ZDHHC13: variants seen among roughly 807,000 people sequenced by gnomAD.
ZDHHC13 encodes the protein zDHHC palmitoyltransferase 13, also known as palmitoyltransferase ZDHHC13.
Under a neutral mutation model 86.0 loss-of-function variants are expected in ZDHHC13, and 85 were observed. The observed-to-expected ratio is 0.99, with a 90% CI of 0.83 to 1.18. The LOEUF (loss-of-function observed/expected upper bound fraction) is 1.18, where lower values mean the gene tolerates loss of function less well. ZDHHC13 is among the 50% of genes most tolerant of loss of function. The pLI is 0.00. For synonymous variants in ZDHHC13, 263 were observed against 246.4 expected, an observed-to-expected ratio of 1.07 and a Z score of -0.63; for missense variants, 711 against 730.2, an observed-to-expected ratio of 0.97 and a Z score of 0.30.
chr11:19,171,155 A>G (rs1226380108), intron 15 of ZDHHC13, among the ~76,000 whole-genome samples: 1 of 152,190 alleles, frequency 6.6e-6, no homozygotes, highest in Non-Finnish European at 1.5e-5. Flanking sequence ...TAGTAATTAC[A>G]TTTTCAGAGA....
rs112896980 is a variant in ZDHHC13 at position 19,152,681 on chromosome 11, C to T, written c.870C>T (p.Cys290=). 5,400 of 1,612,830 alleles carry T rather than the reference C, an allele frequency of 3.3e-3. 17 individuals are homozygous for T. Among genetic ancestry groups the T allele is most frequent in the Middle Eastern group, 8.9e-3 (54 of 6,048 alleles). The change falls in exon 8 of 17, where the codon TGC becomes TGT. Residue 290 remains cysteine, a synonymous_variant. Coordinates refer to ENST00000446113, the MANE Select transcript of ZDHHC13 (RefSeq NM_019028.3). ...KFRLWRWLQK[C]ELFLLLMLSV... is the part of the protein sequence containing the mutation. The stretch of plus-strand genomic sequence containing the variant: ...GACTTTGGAGGTGGCTGCAGAAATG[C>T]GAGGTATTTTCATATGGGGTCTTTT...
At chr11:19,175,216 G>A (rs138290177) in intron 16 of ZDHHC13, among the ~76,000 whole-genome samples, 6,969 of 151,188 alleles carry the variant, frequency 0.046, 226 homozygotes, top group Middle Eastern at 0.068. Flanking sequence ...GTGAAACCCC[G>A]TCTCTACTAA....
At chr11:19,134,464 C>T (rs1168243285) in intron 1 of ZDHHC13, among the ~76,000 whole-genome samples, 1 of 152,152 alleles carries the variant, frequency 6.6e-6, no homozygotes, top group Non-Finnish European at 1.5e-5. Flanking sequence ...ACTCAAATGC[C>T]CATCAATGAC....
At chr11:19,168,563 T>G (rs1423753235) in intron 14 of ZDHHC13, 1 of 152,980 alleles carries the variant, frequency 6.5e-6, no homozygotes, top group Admixed American at 6.5e-5. Flanking sequence ...ATAAACTAGC[T>G]GAGTGTATTT....
intron 1 of ZDHHC13, among the ~76,000 whole-genome samples, chr11:19,119,515 A>T (rs543853861): frequency 6.6e-6 from 1 of 152,276 alleles, no homozygotes; most frequent in Non-Finnish European, 1.5e-5. Context: ...CACTTGGCTT[A>T]TTCCCCCACC....
At chr11:19,173,016 G>A (rs187677957) in intron 16 of ZDHHC13, among the ~76,000 whole-genome samples, 196 bp downstream of exon 16, 247 of 152,286 alleles carry the variant, frequency 1.6e-3, no homozygotes, top group African/African-American at 5.6e-3. Flanking sequence ...GTAAGAATTC[G>A]AGAGTTAGTT....
chr11:19,120,387 C>G (rs112480874), intron 1 of ZDHHC13, among the ~76,000 whole-genome samples: 2,263 of 152,330 alleles, frequency 0.015, 67 homozygotes, highest in African/African-American at 0.051. Context: ...GACACCTACA[C>G]GTGACCTGGG....
At chr11:19,128,469 G>A (rs1848922924) in intron 1 of ZDHHC13, among the ~76,000 whole-genome samples, 1 of 152,144 alleles carries the variant, frequency 6.6e-6, no homozygotes, top group Non-Finnish European at 1.5e-5. Context: ...GTTCTGGACA[G>A]TACTGCCAAT....
intron 8 of ZDHHC13, among the ~76,000 whole-genome samples, chr11:19,155,512 C>A (rs1274105747): frequency 7.1e-6 from 1 of 140,796 alleles, no homozygotes; most frequent in Non-Finnish European, 1.5e-5. Flanking sequence ...ACCCAGGAGA[C>A]AGAGGTTGCA....
chr11:19,126,005 G>A (rs563845547), intron 1 of ZDHHC13, among the ~76,000 whole-genome samples: 1 of 152,132 alleles, frequency 6.6e-6, no homozygotes, highest in Non-Finnish European at 1.5e-5. Context: ...AATTCATACA[G>A]CTGTATACCA....
Position 19,176,172 on chromosome 11 carries a change from TA to T in ZDHHC13, c.*222del, listed in dbSNP as rs375550311. 7.5e-3 allele frequency: 2,630 copies of T among 351,016 alleles called. 8 individuals carry two copies. The highest frequency in any genetic ancestry group is 0.022 in the African/African-American group (1,013 of 46,114). The allele number at this position is 351,016 out of a possible 1,614,324, so 21.7% of individuals were successfully genotyped here. A position where few individuals can be genotyped will look rare whatever the true frequency, so the allele number is the denominator to read the frequency against. ...TTTCTGATAAATCTTGGCAGACATC[TA>T]AAAAAAAAACCATATTTTTCACAAG... is the stretch of plus-strand genomic sequence containing the variant. On this transcript the variant is annotated 3_prime_UTR_variant, in exon 17 of 17. Transcript: ENST00000446113.
At chr11:19,174,625 T>A (rs542113248) in intron 16 of ZDHHC13, among the ~76,000 whole-genome samples, 1 of 152,380 alleles carries the variant, frequency 6.6e-6, no homozygotes, top group Admixed American at 6.5e-5. Flanking sequence ...AAATGAGCAT[T>A]TCTCATAACT....
At chr11:19,171,925 G>GTGTC (rs1165173489) in intron 15 of ZDHHC13, among the ~76,000 whole-genome samples, 1 of 152,152 alleles carries the variant, frequency 6.6e-6, no homozygotes, top group East Asian at 1.9e-4. Flanking sequence ...GTCAAGATGA[G>GTGTC]TGTCTAGGTT....
At chr11:19,136,299 G>A (rs1401415482) in intron 1 of ZDHHC13, among the ~76,000 whole-genome samples, 2 of 152,060 alleles carry the variant, frequency 1.3e-5, no homozygotes, top group East Asian at 1.9e-4. Flanking sequence ...GAGCCGATGC[G>A]ATCAACTGGA....
intron 16 of ZDHHC13, among the ~76,000 whole-genome samples, chr11:19,173,279 G>C (rs1850274072): frequency 6.6e-6 from 1 of 152,158 alleles, no homozygotes. Context: ...GTGCCCTCTT[G>C]TACCAGGGAG....
chr11:19,133,942 T>TATATACAC lies in ZDHHC13; in HGVS notation c.28-9035_28-9034insTATACACA. 5.7e-4 allele frequency among the ~76,000 whole-genome samples: 55 copies of TATATACAC among 95,990 alleles called. 4 individuals are homozygous for TATATACAC. Among genetic ancestry groups the TATATACAC allele is most frequent in the East Asian group, 1.9e-3 (8 of 4,136 alleles). The allele number at this position is 95,990 out of a possible 152,430, so 63.0% of individuals were successfully genotyped here. A position where few individuals can be genotyped will look rare whatever the true frequency, so the allele number is the denominator to read the frequency against. On this transcript the variant is annotated intron_variant, in intron 1 of 16. Transcript: ENST00000446113. ...GTCCATATATATATATATATATATATACACGTATGTGTTTTATATACTTCA... is the reference window on the plus strand; with the variant it reads ...GTCCATATATATATATATATATATATATATACACACACGTATGTGTTTTATATACTTCA...
chr11:19,130,454 A>C (rs934950207), intron 1 of ZDHHC13, among the ~76,000 whole-genome samples: 2 of 152,154 alleles, frequency 1.3e-5, no homozygotes, highest in African/African-American at 4.8e-5. Flanking sequence ...TTCTTGATCA[A>C]ACTGATCAAA....
chr11:19,152,745 T>C, intron 8 of ZDHHC13, 61 bp downstream of exon 8: 1 of 1,606,682 alleles, frequency 6.2e-7, no homozygotes, highest in South Asian at 1.1e-5. Flanking sequence ...TTTGGTTTTG[T>C]TTATTAAGGC....
chr11:19,154,822 T>C (rs1849712817), intron 8 of ZDHHC13, among the ~76,000 whole-genome samples: 1 of 152,196 alleles, frequency 6.6e-6, no homozygotes, highest in Admixed American at 6.5e-5. Flanking sequence ...TTGGTGACTT[T>C]GCTTTTTTCC....
Sources: allele counts gnomAD v4.1 joint callset (sites outside exome capture counted in the v4.1 genomes callset), GRCh38; gene constraint gnomAD v4.1.1; transcripts MANE v1.5; gene names NCBI Gene and HGNC (gene_info 2026-07-23, HGNC 2026-07-21).